The following TAOK3 variants were observed in gnomAD, a reference collection of about 807,000 sequenced individuals.
TAOK3 encodes the protein serine/threonine-protein kinase TAO3.
TAOK3 carries 40 observed loss-of-function variants against 120.4 expected under a neutral mutation model. The ratio of observed to expected loss-of-function variants is 0.33; its 90% CI spans 0.26 to 0.43. The LOEUF (loss-of-function observed/expected upper bound fraction) is 0.43, where lower values mean the gene tolerates loss of function less well. Ranked by LOEUF, TAOK3 falls within the 20% of genes least tolerant of loss-of-function variation. The probability of loss-of-function intolerance (pLI) is 1.00; values close to 1 mark genes in which losing one functional copy is unlikely to be tolerated. For synonymous variants in TAOK3, 355 were observed against 387.5 expected (o/e 0.92, Z 0.99); for missense variants, 821 against 1,112.1 (o/e 0.74, Z 3.72).
chr12:118,359,259 A>G (rs528110796), intron 1 of TAOK3: 2 of 152,168 alleles, frequency 1.3e-5, no homozygotes, highest in Non-Finnish European at 2.9e-5. Flanking sequence ...ATTTTTCCAG[A>G]ATTTTCCCCC....
chr12:118,319,293 G>A (rs2043601381), intron 1 of TAOK3, among the ~76,000 whole-genome samples: 1 of 152,024 alleles, frequency 6.6e-6, no homozygotes, highest in Non-Finnish European at 1.5e-5. Flanking sequence ...AGCTTTTACA[G>A]GAAACAAAAG....
intron 1 of TAOK3, among the ~76,000 whole-genome samples, chr12:118,340,415 C>A (rs1345279290): frequency 6.6e-6 from 1 of 152,134 alleles, no homozygotes; most frequent in Non-Finnish European, 1.5e-5. Flanking sequence ...GAGCTCTTTT[C>A]TCACAGCAGA....
intron 1 of TAOK3, among the ~76,000 whole-genome samples, chr12:118,272,803 C>T (rs1302354227): frequency 6.6e-6 from 1 of 151,820 alleles, no homozygotes. Context: ...AGACCCCCGT[C>T]TCTATGAAAT....
At chr12:118,162,426 T>G (rs561969719) in intron 17 of TAOK3, among the ~76,000 whole-genome samples, 1 of 152,282 alleles carries the variant, frequency 6.6e-6, no homozygotes, top group African/African-American at 2.4e-5. Context: ...TGAGGAAACT[T>G]TTCAAACATA....
At chr12:118,360,796 TTGTAGTTAG>T (rs1179688846) in intron 1 of TAOK3, among the ~76,000 whole-genome samples, 6 of 152,242 alleles carry the variant, frequency 3.9e-5, no homozygotes, top group African/African-American at 1.4e-4. Context: ...GGAAACTCAT[TTGTAGTTAG>T]TGTAGTTACT....
chr12:118,222,186 A>G (rs529943658), intron 9 of TAOK3, among the ~76,000 whole-genome samples: 2 of 152,256 alleles, frequency 1.3e-5, no homozygotes, highest in Admixed American at 1.3e-4. Flanking sequence ...AGCCCAATTT[A>G]CAAACGGAAA....
chr12:118,173,910 A>T (rs1405404539), intron 16 of TAOK3, among the ~76,000 whole-genome samples: 2 of 152,256 alleles, frequency 1.3e-5, no homozygotes, highest in Non-Finnish European at 2.9e-5. Context: ...TTAGCCAAGA[A>T]GTCTCTGTAA....
chr12:118,252,763 A>G (rs11068888), intron 3 of TAOK3, among the ~76,000 whole-genome samples: 8,050 of 143,532 alleles, frequency 0.056, 446 homozygotes, highest in East Asian at 0.25. Flanking sequence ...TCTGTCCCCC[A>G]GGCTGGAGTG....
At chr12:118,167,908 T>TGG (rs1210435639) in intron 17 of TAOK3, among the ~76,000 whole-genome samples, 30 of 152,222 alleles carry the variant, frequency 2.0e-4, no homozygotes, top group Admixed American at 2.0e-3. Flanking sequence ...TTTACCAGCG[T>TGG]GGCTCTTCAT....
At position 118,289,236 on chromosome 12, in the gene TAOK3, C is replaced by A. The variant is rs189577398; in HGVS notation, c.-193-22477G>T. Among the ~76,000 whole-genome samples, 103 of 140,868 alleles carry A rather than the reference C, an allele frequency of 7.3e-4. 1 individual carries two copies. The East Asian group carries it at 0.021, about 29-fold the overall frequency. The allele number at this position is 140,868 out of a possible 152,430, so 92.4% of individuals were successfully genotyped here. On this transcript the variant is annotated intron_variant, in intron 1 of 20. Coordinates refer to ENST00000392533, the MANE Select transcript of TAOK3 (RefSeq NM_016281.4). ...AAATCTTGAACCCAGGAGGTTGAGG[C>A]TGCAGTGATCTGAGATTGCGCCGCT...
chr12:118,151,219 C>G, intron 20 of TAOK3, 61 bp from the exon 21 acceptor site: 3 of 1,568,520 alleles, frequency 1.9e-6, no homozygotes, highest in Non-Finnish European at 2.6e-6. Flanking sequence ...CCCACGTGCA[C>G]GCGATACACC....
chr12:118,362,847 G>A (rs1177183545), intron 1 of TAOK3, among the ~76,000 whole-genome samples: 4 of 151,704 alleles, frequency 2.6e-5, no homozygotes, highest in Non-Finnish European at 4.4e-5. Flanking sequence ...GCAAAACCCC[G>A]TCTCTACTAA....
At chr12:118,177,831 GA>G (rs2036444705) in intron 15 of TAOK3, among the ~76,000 whole-genome samples, 1 of 149,366 alleles carries the variant, frequency 6.7e-6, no homozygotes, top group Admixed American at 6.7e-5. Context: ...CTCAAAAAAA[GA>G]AAAAAAAGAA....
In TAOK3 at chr12:118,319,470, T is replaced by C. The variant is rs75453376; in HGVS notation, c.-193-52711A>G. On this transcript the variant is annotated intron_variant, in intron 1 of 20. Coordinates refer to ENST00000392533, the MANE Select transcript of TAOK3 (RefSeq NM_016281.4). ...TAATCTACAACATATAAAGAACTGC[T>C]ATAACTTAACAACAAAAAGACAAAC... Among the ~76,000 whole-genome samples, 1,805 of 152,222 alleles carry C rather than the reference T, an allele frequency of 0.012. 187 individuals are homozygous for C. In the East Asian group the frequency reaches 0.25, roughly 21 times the overall value.
At chr12:118,184,240 G>GTA (rs1391023664) in intron 14 of TAOK3, among the ~76,000 whole-genome samples, 4 of 151,926 alleles carry the variant, frequency 2.6e-5, no homozygotes, top group Non-Finnish European at 4.4e-5. Flanking sequence ...GTCTTTTTGG[G>GTA]TATATATATA....
rs538055099 is a variant in TAOK3 at position 118,163,150 on chromosome 12, A to T, written c.1900-1123T>A. Reference sequence around the variant, plus strand: ...CTATGTGTGGCTGGAATTAAGGCATATAAAAACCACATATGTGGTAGTCAT... The same window carrying T: ...CTATGTGTGGCTGGAATTAAGGCATTTAAAAACCACATATGTGGTAGTCAT... On this transcript the variant is annotated intron_variant, in intron 17 of 20. Transcript: ENST00000392533. 3.9e-5 allele frequency among the ~76,000 whole-genome samples: 6 copies of T among 152,332 alleles called. No homozygotes were observed. In the East Asian group the frequency reaches 1.2e-3, roughly 29 times the overall value.
At chr12:118,282,500 G>C (rs1207373430) in intron 1 of TAOK3, among the ~76,000 whole-genome samples, 1 of 152,178 alleles carries the variant, frequency 6.6e-6, no homozygotes, top group Non-Finnish European at 1.5e-5. Context: ...CTGTTCCACT[G>C]TAAGTACTAA....
At chr12:118,247,419 T>C (rs1050161792) in intron 3 of TAOK3, among the ~76,000 whole-genome samples, 3 of 152,154 alleles carry the variant, frequency 2.0e-5, no homozygotes, top group African/African-American at 2.4e-5. Context: ...AAAGTACATA[T>C]GAAAACCATT....
intron 1 of TAOK3, among the ~76,000 whole-genome samples, chr12:118,329,430 A>T (rs559244036): frequency 6.6e-6 from 1 of 152,330 alleles, no homozygotes; most frequent in South Asian, 2.1e-4. Flanking sequence ...AATGTCAAAA[A>T]TATTATATCC....
Sources: gnomAD v4.1 joint callset for allele counts (sites outside exome capture counted in the v4.1 genomes callset) on GRCh38, gnomAD v4.1.1 for gene constraint, MANE v1.5 for transcripts, NCBI Gene and HGNC (gene_info 2026-07-23, HGNC 2026-07-21) for gene names.